Variants in IQCJ observed in about 807,000 individuals in gnomAD.
IQCJ encodes IQ domain-containing protein J.
A neutral mutation model predicts 11.0 loss-of-function variants in IQCJ; 9 were observed. That is an observed-to-expected ratio of 0.82 (90% confidence interval 0.49 to 1.43). IQCJ has a LOEUF of 1.43. Among genes scored for constraint, IQCJ ranks in the 40% most tolerant of loss-of-function variants. The probability of loss-of-function intolerance (pLI) is 0.00; values close to 1 mark genes in which losing one functional copy is unlikely to be tolerated. For synonymous variants in IQCJ, 55 were observed against 51.3 expected (o/e 1.07, Z -0.31); for missense variants, 146 against 133.2 (o/e 1.10, Z -0.47).
At chr3:159,184,652 T>C (rs985036698) in intron 1 of IQCJ, among the ~76,000 whole-genome samples, 5 of 152,224 alleles carry the variant, frequency 3.3e-5, no homozygotes, top group African/African-American at 1.2e-4. Flanking sequence ...ATTTCTTACA[T>C]GTCTACTTCT....
At chr3:159,151,050 A>G (rs2108201822) in intron 1 of IQCJ, among the ~76,000 whole-genome samples, 1 of 152,270 alleles carries the variant, frequency 6.6e-6, no homozygotes. Flanking sequence ...TGGGGATAGA[A>G]TCAATGTCAA....
chr3:159,200,341 C>T (rs961415514), intron 1 of IQCJ, among the ~76,000 whole-genome samples: 1 of 151,970 alleles, frequency 6.6e-6, no homozygotes, highest in Non-Finnish European at 1.5e-5. Flanking sequence ...CAATTAACCA[C>T]CTTCTAGTGG....
intron 1 of IQCJ, chr3:159,069,686 A>C (rs1019786531): frequency 6.6e-6 from 4 of 603,074 alleles, no homozygotes; most frequent in African/African-American, 3.7e-5. Context: ...ATTTCACTAA[A>C]GGAATCTCAT....
At chr3:159,203,656 G>A (rs1724482076) in intron 1 of IQCJ, among the ~76,000 whole-genome samples, 1 of 152,136 alleles carries the variant, frequency 6.6e-6, no homozygotes, top group Admixed American at 6.5e-5. Flanking sequence ...GTATCAGTGT[G>A]TGTGTGAGAG....
intron 1 of IQCJ, among the ~76,000 whole-genome samples, chr3:159,232,261 G>A (rs570303780): frequency 2.0e-4 from 30 of 152,026 alleles, no homozygotes; most frequent in Non-Finnish European, 2.8e-4. Flanking sequence ...TCTCCTGTGG[G>A]CATTTAGTCC....
chr3:159,238,120 G>A (rs893838223), intron 1 of IQCJ, among the ~76,000 whole-genome samples: 2 of 152,134 alleles, frequency 1.3e-5, no homozygotes, highest in African/African-American at 4.8e-5. Context: ...GTGAGAAAAT[G>A]GAGCAGTTAT....
intron 1 of IQCJ, among the ~76,000 whole-genome samples, chr3:159,216,726 A>T (rs1292277741): frequency 6.6e-6 from 1 of 152,170 alleles, no homozygotes; most frequent in Non-Finnish European, 1.5e-5. Flanking sequence ...GTAGAAATGC[A>T]CAGTCCATTT....
chr3:159,148,910 C>A (rs1420473248), intron 1 of IQCJ, among the ~76,000 whole-genome samples: 1 of 152,086 alleles, frequency 6.6e-6, no homozygotes, highest in African/African-American at 2.4e-5. Flanking sequence ...GGCAACAATA[C>A]CATAATTAAG....
At chr3:159,071,263 A>G (rs1715542537) in intron 1 of IQCJ, among the ~76,000 whole-genome samples, 1 of 151,774 alleles carries the variant, frequency 6.6e-6, no homozygotes, top group African/African-American at 2.4e-5. Context: ...AAAACAGCAT[A>G]TTATATTAGG....
intron 3 of IQCJ, among the ~76,000 whole-genome samples, chr3:159,260,568 C>CTTAA (rs1466999897): frequency 6.6e-6 from 1 of 152,160 alleles, no homozygotes; most frequent in East Asian, 1.9e-4. Context: ...CGACAGCTTC[C>CTTAA]TTAAGTTCAC....
intron 2 of IQCJ, among the ~76,000 whole-genome samples, chr3:159,250,972 C>T (rs1363397191): frequency 6.6e-6 from 1 of 152,292 alleles, no homozygotes; most frequent in African/African-American, 2.4e-5. Context: ...ATCCTCCATG[C>T]TTTGCATCAT....
chr3:159,236,268 GAA>G (rs35351745), intron 1 of IQCJ, among the ~76,000 whole-genome samples: 8 of 113,098 alleles, frequency 7.1e-5, no homozygotes, highest in Admixed American at 1.9e-4. Flanking sequence ...TGCTCCTTTT[GAA>G]AAAAAAAAAA....
At chr3:159,124,434 C>A (rs554033556) in intron 1 of IQCJ, among the ~76,000 whole-genome samples, 1 of 152,162 alleles carries the variant, frequency 6.6e-6, no homozygotes, top group African/African-American at 2.4e-5. Context: ...ACTCTCTGCA[C>A]CCTGTTGTAC....
At chr3:159,191,157 G>A (rs1233694795) in intron 1 of IQCJ, among the ~76,000 whole-genome samples, 2 of 152,064 alleles carry the variant, frequency 1.3e-5, no homozygotes, top group African/African-American at 2.4e-5. Context: ...TGGTGGAAAC[G>A]GGTTCTGCAG....
chr3:159,178,245 A>T (rs555094692), intron 1 of IQCJ, among the ~76,000 whole-genome samples: 2 of 152,212 alleles, frequency 1.3e-5, no homozygotes, highest in African/African-American at 4.8e-5. Flanking sequence ...ATGGCTTGCT[A>T]CTAGCAGCAA....
At chr3:159,085,539 G>A (rs2108066853) in intron 1 of IQCJ, among the ~76,000 whole-genome samples, 1 of 148,832 alleles carries the variant, frequency 6.7e-6, no homozygotes, top group South Asian at 2.3e-4. Flanking sequence ...CACCAACAGT[G>A]TAAAAGTGTT....
chr3:159,222,016 A>G (rs1421184584), intron 1 of IQCJ, among the ~76,000 whole-genome samples: 3 of 152,156 alleles, frequency 2.0e-5, no homozygotes, highest in South Asian at 4.1e-4. Context: ...AGGAAGATCC[A>G]ACATATTCAA....
intron 1 of IQCJ, among the ~76,000 whole-genome samples, chr3:159,148,212 T>G (rs1721020433): frequency 6.6e-6 from 1 of 152,276 alleles, no homozygotes; most frequent in Admixed American, 6.5e-5. Context: ...AATCGTGTTT[T>G]CCTCTTTAAT....
chr3:159,231,190 T>C (rs1226212025), intron 1 of IQCJ, among the ~76,000 whole-genome samples: 2 of 152,174 alleles, frequency 1.3e-5, no homozygotes, highest in African/African-American at 4.8e-5. Flanking sequence ...GCATCTTATA[T>C]GGGCAACATA....
Sources: allele counts gnomAD v4.1 joint callset (sites outside exome capture counted in the v4.1 genomes callset), GRCh38; gene constraint gnomAD v4.1.1; transcripts MANE v1.5; gene names NCBI Gene and HGNC (gene_info 2026-07-23, HGNC 2026-07-21).